SPON1: variants seen among roughly 807,000 people sequenced by gnomAD.
The protein encoded by SPON1 is spondin 1.
Under a neutral mutation model 111.7 loss-of-function variants are expected in SPON1, and 52 were observed. That is an observed-to-expected ratio of 0.47 (90% CI 0.37 to 0.59). SPON1 has a LOEUF of 0.59. Among genes scored for constraint, SPON1 ranks in the 20% least tolerant of loss-of-function variants. SPON1 has a pLI of 0.00. For missense variants in SPON1, 957 were observed against 1,068.5 expected, an observed-to-expected ratio of 0.90 and a Z score of 1.46; for synonymous variants, 410 against 395.8, an observed-to-expected ratio of 1.04 and a Z score of -0.43.
chr11:14,113,932 A>G (rs1849247501), intron 5 of SPON1, among the ~76,000 whole-genome samples: 1 of 152,112 alleles, frequency 6.6e-6, no homozygotes, highest in African/African-American at 2.4e-5. Context: ...TTCTGCATAC[A>G]GAGTGGGTTT....
At chr11:14,159,579 C>A (rs987896723) in intron 6 of SPON1, among the ~76,000 whole-genome samples, 1 of 152,088 alleles carries the variant, frequency 6.6e-6, no homozygotes, top group Non-Finnish European at 1.5e-5. Context: ...GAGATATCTG[C>A]ACTCCCATAT....
At chr11:14,180,881 T>C (rs1554933636) in intron 6 of SPON1, among the ~76,000 whole-genome samples, 1 of 152,242 alleles carries the variant, frequency 6.6e-6, no homozygotes, top group Non-Finnish European at 1.5e-5. Flanking sequence ...CAGGGCTTAA[T>C]TAAATGTTTT....
intron 6 of SPON1, among the ~76,000 whole-genome samples, chr11:14,141,029 C>CCCCCCCCTCCCCCCCCCCCCA (rs71041572): frequency 7.6e-6 from 1 of 132,274 alleles, no homozygotes; most frequent in African/African-American, 2.8e-5. Flanking sequence ...GTGCCCCCCC[C>CCCCCCCCTCCCCCCCCCCCCA]ATGCCCCACT....
chr11:14,166,545 G>T (rs1443061959), intron 6 of SPON1, among the ~76,000 whole-genome samples: 1 of 152,096 alleles, frequency 6.6e-6, no homozygotes, highest in African/African-American at 2.4e-5. Flanking sequence ...CTGCACTTAA[G>T]AGTCCTATAT....
At chr11:14,173,452 C>G (rs1485705943) in intron 6 of SPON1, among the ~76,000 whole-genome samples, 1 of 152,098 alleles carries the variant, frequency 6.6e-6, no homozygotes, top group African/African-American at 2.4e-5. Context: ...CCTCCTTTAG[C>G]TCGGAGTAGT....
intron 5 of SPON1, among the ~76,000 whole-genome samples, chr11:14,105,467 T>C (rs1424684178): frequency 2.0e-5 from 3 of 152,174 alleles, no homozygotes; most frequent in Non-Finnish European, 4.4e-5. Context: ...TGAGCTCTTC[T>C]GAAATAGATA....
intron 6 of SPON1, among the ~76,000 whole-genome samples, chr11:14,146,673 G>T (rs539592466): frequency 1.3e-5 from 2 of 152,252 alleles, no homozygotes; most frequent in South Asian, 2.1e-4. Context: ...AGCATATAAT[G>T]AAGGGAAGAC....
chr11:14,191,365 G>A (rs1848346268), intron 6 of SPON1, among the ~76,000 whole-genome samples: 1 of 152,182 alleles, frequency 6.6e-6, no homozygotes, highest in Non-Finnish European at 1.5e-5. Flanking sequence ...ATAACCTTGT[G>A]CTGAGCTTTC....
intron 5 of SPON1, among the ~76,000 whole-genome samples, chr11:14,092,146 C>T (rs1378367094): frequency 1.3e-5 from 2 of 152,218 alleles, no homozygotes; most frequent in Non-Finnish European, 2.9e-5. Flanking sequence ...CAATACCCTC[C>T]AAGGACATTC....
At chr11:13,988,740 G>A (rs1220100559) in intron 2 of SPON1, among the ~76,000 whole-genome samples, 6 of 152,280 alleles carry the variant, frequency 3.9e-5, no homozygotes, top group East Asian at 3.9e-4. Flanking sequence ...CTAGTTTATT[G>A]AGAGTTTTTA....
intron 6 of SPON1, among the ~76,000 whole-genome samples, chr11:14,192,784 G>A (rs1235405388): frequency 2.0e-5 from 3 of 150,794 alleles, no homozygotes; most frequent in South Asian, 2.1e-4. Flanking sequence ...ACAGGAAGTT[G>A]TGCCCGGGGG....
intron 2 of SPON1, among the ~76,000 whole-genome samples, chr11:14,003,564 G>T (rs1392262804): frequency 6.6e-6 from 1 of 152,108 alleles, no homozygotes; most frequent in Non-Finnish European, 1.5e-5. Flanking sequence ...CCCACATTTG[G>T]CTGGGTCACA....
chr11:14,258,695 T>A (rs1554941504), intron 11 of SPON1, among the ~76,000 whole-genome samples: 1 of 152,248 alleles, frequency 6.6e-6, no homozygotes, highest in Admixed American at 6.5e-5. Context: ...GGGAGGCTCT[T>A]AAACACCTCT....
rs372569370 is a variant in SPON1 at position 14,194,528 on chromosome 11, T to TCACACACACACA, written c.826-48776_826-48765dup. ...GAACTAATGGGAATCTAGGCCTACT[T>TCACACACACACA]CACACACACACACACACACACACAC... is the stretch of plus-strand genomic sequence containing the variant. On this transcript the variant is annotated intron_variant, in intron 6 of 15. Transcript: ENST00000576479. Among the ~76,000 whole-genome samples, 36 of 106,892 alleles carry TCACACACACACA rather than the reference T, an allele frequency of 3.4e-4. 1 individual carries two copies. Among genetic ancestry groups the TCACACACACACA allele is most frequent in the Admixed American group, 1.3e-3 (13 of 9,868 alleles). The allele number at this position is 106,892 out of a possible 152,430, so 70.1% of individuals were successfully genotyped here. A position where few individuals can be genotyped will look rare whatever the true frequency, so the allele number is the denominator to read the frequency against.
At chr11:14,071,031 G>A (rs559366398) in intron 3 of SPON1, among the ~76,000 whole-genome samples, 30 of 152,198 alleles carry the variant, frequency 2.0e-4, no homozygotes, top group African/African-American at 6.7e-4. Flanking sequence ...GTATATAAAT[G>A]CTATGCAACA....
At chr11:14,109,514 G>C (rs1235934709) in intron 5 of SPON1, among the ~76,000 whole-genome samples, 1 of 152,070 alleles carries the variant, frequency 6.6e-6, no homozygotes, top group Non-Finnish European at 1.5e-5. Flanking sequence ...TTTTAATTTG[G>C]GGAAAGAGAA....
At chr11:14,061,636 G>A (rs150283180) in intron 3 of SPON1, among the ~76,000 whole-genome samples, 42 of 152,288 alleles carry the variant, frequency 2.8e-4, no homozygotes, top group African/African-American at 9.9e-4. Flanking sequence ...ACTATTTAAT[G>A]TAGATTAACT....
intron 6 of SPON1, among the ~76,000 whole-genome samples, chr11:14,140,812 C>G (rs1554928685): frequency 1.3e-5 from 2 of 152,016 alleles, no homozygotes; most frequent in Non-Finnish European, 2.9e-5. Flanking sequence ...TTTTTATGTC[C>G]TTTCTCAGAT....
intron 2 of SPON1, among the ~76,000 whole-genome samples, chr11:14,020,210 T>A (rs1182539279): frequency 1.3e-5 from 2 of 152,016 alleles, no homozygotes; most frequent in Admixed American, 6.6e-5. Flanking sequence ...CATTCATAGG[T>A]CTTATAGGGA....
Sources: allele counts gnomAD v4.1 joint callset (sites outside exome capture counted in the v4.1 genomes callset), GRCh38; gene constraint gnomAD v4.1.1; transcripts MANE v1.5; gene names NCBI Gene and HGNC (gene_info 2026-07-23, HGNC 2026-07-21).